PCDH15: variants seen among roughly 807,000 people sequenced by gnomAD.
The protein encoded by PCDH15 is protocadherin-15.
Under a neutral mutation model 178.5 loss-of-function variants are expected in PCDH15, and 129 were observed. The ratio of observed to expected loss-of-function variants is 0.72; its 90% CI spans 0.63 to 0.84. The LOEUF is 0.84. Among genes scored for constraint, PCDH15 ranks in the 40% least tolerant of loss-of-function variants. PCDH15 has a pLI of 0.00. For synonymous variants in PCDH15, 800 were observed against 732.0 expected (o/e 1.09, Z -1.50); for missense variants, 2,230 against 2,099.9 (o/e 1.06, Z -1.21).
chr10:54,869,909 C>A (rs1205450317), intron 3 of PCDH15, among the ~76,000 whole-genome samples: 2 of 152,162 alleles, frequency 1.3e-5, no homozygotes, highest in African/African-American at 4.8e-5. Context: ...GCCTAGATGT[C>A]TACAATTCCC....
At chr10:54,190,379 A>G (rs2048880448) in intron 11 of PCDH15, among the ~76,000 whole-genome samples, 1 of 152,156 alleles carries the variant, frequency 6.6e-6, no homozygotes, top group Admixed American at 6.5e-5. Context: ...GATTGTCACT[A>G]ATTCTGACAC....
At chr10:55,248,430 T>C (rs1184297384) in intron 1 of PCDH15, among the ~76,000 whole-genome samples, 2 of 152,196 alleles carry the variant, frequency 1.3e-5, no homozygotes, top group Non-Finnish European at 2.9e-5. Flanking sequence ...TCTTGTTATG[T>C]TTGTTTTACA....
At chr10:54,574,677 T>G (rs1014333467) in intron 2 of PCDH15, among the ~76,000 whole-genome samples, 5 of 148,872 alleles carry the variant, frequency 3.4e-5, no homozygotes, top group African/African-American at 9.9e-5. Context: ...TGTGGAGAAA[T>G]AGGAACACTT....
At position 54,040,287 on chromosome 10, in the gene PCDH15, G is replaced by A. The variant is rs1722312134; in HGVS notation, c.2221-17090C>T. Among the ~76,000 whole-genome samples, 4 of 151,864 alleles carry A rather than the reference G, an allele frequency of 2.6e-5. No individual in the cohort carries two copies. In the South Asian group the frequency reaches 8.3e-4, roughly 32 times the overall value. The stretch of plus-strand genomic sequence containing the variant: ...CTGGTGGGAGATAACTGAATCATGG[G>A]GGCGGTTTCCTCCATACTGTTCTCT... On this transcript the variant is annotated intron_variant, in intron 18 of 37. Transcript: ENST00000644397.
At chr10:54,439,475 T>G (rs2136130406) in intron 3 of PCDH15, among the ~76,000 whole-genome samples, 1 of 152,158 alleles carries the variant, frequency 6.6e-6, no homozygotes, top group Admixed American at 6.6e-5. Flanking sequence ...TGTGCTCTGG[T>G]AGATTTTCAT....
At chr10:53,905,247 A>G (rs576675388) in intron 25 of PCDH15, 3 of 518,398 alleles carry the variant, frequency 5.8e-6, no homozygotes, top group South Asian at 2.8e-5. Context: ...TGTGTCCTGC[A>G]TTCTGATATA....
chr10:54,234,170 GT>G (rs2054380861), intron 9 of PCDH15, among the ~76,000 whole-genome samples: 1 of 151,014 alleles, frequency 6.6e-6, no homozygotes, highest in Non-Finnish European at 1.5e-5. Context: ...GTGTGTGTGT[GT>G]GTGTGCTGTG....
At chr10:53,984,122 C>CTTTT (rs57184119) in intron 21 of PCDH15, among the ~76,000 whole-genome samples, 9 of 112,668 alleles carry the variant, frequency 8.0e-5, no homozygotes, top group East Asian at 2.7e-4. Flanking sequence ...AAGTGCTTTT[C>CTTTT]TTTTTTTTTT....
chr10:54,590,340 A>G (rs1313247408), intron 2 of PCDH15, among the ~76,000 whole-genome samples: 1 of 152,184 alleles, frequency 6.6e-6, no homozygotes. Context: ...TGATTTTATC[A>G]TCCCTTGCTG....
chr10:55,482,997 C>T (rs1335020309), intron 2 of PCDH15, among the ~76,000 whole-genome samples: 1 of 151,688 alleles, frequency 6.6e-6, no homozygotes, highest in African/African-American at 2.4e-5. Flanking sequence ...AAATGGACCC[C>T]TTTCTTACAC....
intron 9 of PCDH15, among the ~76,000 whole-genome samples, chr10:54,214,789 C>T (rs2051827680): frequency 6.6e-6 from 1 of 152,120 alleles, no homozygotes; most frequent in Admixed American, 6.6e-5. Context: ...AAGGGATTTG[C>T]CATGTTGGCC....
At chr10:53,954,339 G>A (rs1296723901) in intron 23 of PCDH15, among the ~76,000 whole-genome samples, 1 of 152,074 alleles carries the variant, frequency 6.6e-6, no homozygotes. Flanking sequence ...GACAATGATA[G>A]GTCTATTGTT....
At chr10:53,884,043 A>C (rs2080923888) in intron 26 of PCDH15, among the ~76,000 whole-genome samples, 1 of 152,250 alleles carries the variant, frequency 6.6e-6, no homozygotes, top group East Asian at 1.9e-4. Flanking sequence ...AAAACAAAAC[A>C]AAACAAAACA....
At chr10:55,268,223 G>C (rs1564951060) in intron 1 of PCDH15, among the ~76,000 whole-genome samples, 1 of 152,078 alleles carries the variant, frequency 6.6e-6, no homozygotes, top group Non-Finnish European at 1.5e-5. Flanking sequence ...TACAAGCTTA[G>C]AGAGAATAAA....
intron 2 of PCDH15, among the ~76,000 whole-genome samples, chr10:54,951,838 C>T (rs990898019): frequency 8.6e-5 from 13 of 151,866 alleles, no homozygotes; most frequent in Middle Eastern, 3.4e-3. Flanking sequence ...TTGTCATCTG[C>T]ATATTTTCTT....
At chr10:54,115,952 T>C (rs2132772721) in intron 15 of PCDH15, among the ~76,000 whole-genome samples, 1 of 152,276 alleles carries the variant, frequency 6.6e-6, no homozygotes, top group East Asian at 1.9e-4. Context: ...ATTAGATCTG[T>C]TGAAATAATC....
chr10:55,579,887 G>A (rs1311890037), intron 2 of PCDH15, among the ~76,000 whole-genome samples: 9 of 151,784 alleles, frequency 5.9e-5, no homozygotes, highest in East Asian at 3.9e-4. Flanking sequence ...AAAGAGTTTC[G>A]CTCTTGTTGT....
chr10:55,420,054 G>A (rs7922792), intron 2 of PCDH15, among the ~76,000 whole-genome samples: 75,888 of 151,410 alleles, frequency 0.5, 20,286 homozygotes, highest in African/African-American at 0.63. Context: ...CTGGGTAGAT[G>A]AGGGTTGACT....
At chr10:54,967,237 T>C (rs1418140126) in intron 2 of PCDH15, among the ~76,000 whole-genome samples, 1 of 152,176 alleles carries the variant, frequency 6.6e-6, no homozygotes, top group Non-Finnish European at 1.5e-5. Flanking sequence ...ACTTCATATA[T>C]GTGGTGAGTC....
Sources: allele counts gnomAD v4.1 joint callset (sites outside exome capture counted in the v4.1 genomes callset), GRCh38; gene constraint gnomAD v4.1.1; transcripts MANE v1.5; gene names NCBI Gene and HGNC (gene_info 2026-07-23, HGNC 2026-07-21).